CERT1: variants seen among roughly 807,000 people sequenced by gnomAD.
CERT1 encodes ceramide transfer protein.
A neutral mutation model predicts 87.9 loss-of-function variants in CERT1; 31 were observed. The ratio of observed to expected loss-of-function variants is 0.35; its 90% CI spans 0.27 to 0.48. CERT1 has a LOEUF of 0.48. CERT1 is among the 20% of genes least tolerant of loss of function. The pLI is 0.99. For missense variants in CERT1, 487 were observed against 758.0 expected (o/e 0.64, Z 4.20); for synonymous variants, 289 against 250.9 (o/e 1.15, Z -1.44).
At chr5:75,370,937 G>A (rs917493059) in intron 17 of CERT1, 5 of 121,268 alleles carry the variant, frequency 4.1e-5, no homozygotes, top group African/African-American at 1.8e-4. Context: ...GGGTGACAAA[G>A]CAAGACTCTG....
rs1330920886 is a variant in CERT1, at chr5:75,399,227, C to G, written c.1188+83G>C. On this transcript the variant is annotated intron_variant, in intron 11 of 16. Coordinates refer to ENST00000643780, the MANE Select transcript of CERT1 (RefSeq NM_001379029.1). ...TTCAAAACTAAAATCAGTGGCCTAA[C>G]CAAAAGATTTCTAGGAACTGGGAAA... is the stretch of plus-strand genomic sequence containing the variant. 2.8e-6 allele frequency: 3 copies of G among 1,066,446 alleles called. No individual in the cohort carries two copies. In the South Asian group the frequency reaches 3.9e-5, roughly 14 times the overall value. The allele number at this position is 1,066,446 out of a possible 1,614,324, so 66.1% of individuals were successfully genotyped here. A position where few individuals can be genotyped will look rare whatever the true frequency, so the allele number is the denominator to read the frequency against.
intron 1 of CERT1, among the ~76,000 whole-genome samples, chr5:75,507,456 C>T (rs1382334751): frequency 6.6e-6 from 1 of 152,168 alleles, no homozygotes; most frequent in African/African-American, 2.4e-5. Flanking sequence ...TCTCTGAGAA[C>T]TCACCCAAGC....
downstream of CERT1, chr5:75,374,728 C>T (rs1262690993): frequency 1.7e-6 from 1 of 586,362 alleles, no homozygotes; most frequent in East Asian, 4.2e-5. Context: ...GAATCGATCT[C>T]ATGAAGGAGA....
intron 2 of CERT1, among the ~76,000 whole-genome samples, chr5:75,489,425 C>A (rs1162241111): frequency 6.6e-6 from 1 of 152,146 alleles, no homozygotes; most frequent in Non-Finnish European, 1.5e-5. Flanking sequence ...AGAGCTTCTG[C>A]ACAGCAAAAG....
At chr5:75,509,172 G>A (rs1237599125) in intron 1 of CERT1, among the ~76,000 whole-genome samples, 3 of 152,030 alleles carry the variant, frequency 2.0e-5, no homozygotes, top group South Asian at 4.1e-4. Context: ...CATTTTGGGG[G>A]AGAAACAAAA....
intron 2 of CERT1, among the ~76,000 whole-genome samples, chr5:75,483,526 G>T (rs913992946): frequency 1.6e-4 from 25 of 152,088 alleles, no homozygotes; most frequent in African/African-American, 5.8e-4. Context: ...ATATAAGAAG[G>T]TTATAGAACA....
intron 2 of CERT1, among the ~76,000 whole-genome samples, chr5:75,463,374 G>GA (rs1207206901): frequency 6.6e-6 from 1 of 151,922 alleles, no homozygotes; most frequent in Admixed American, 6.6e-5. Context: ...CAACCCTCCC[G>GA]AAGAACCAAG....
At chr5:75,438,349 C>A (rs751874626) in intron 3 of CERT1, among the ~76,000 whole-genome samples, 35 of 152,068 alleles carry the variant, frequency 2.3e-4, no homozygotes, top group Admixed American at 4.6e-4. Context: ...CTTTGAAAAC[C>A]CACAGTTTTT....
At chr5:75,457,911 TGTGTGTGTGTGTGTG>T (rs969723564) in intron 3 of CERT1, among the ~76,000 whole-genome samples, 3 of 128,042 alleles carry the variant, frequency 2.3e-5, no homozygotes, top group Admixed American at 1.6e-4. Context: ...TAGGCGCGCG[TGTGTGTGTGTGTGTG>T]GTGTGTGTGT....
intron 3 of CERT1, among the ~76,000 whole-genome samples, chr5:75,446,164 A>T (rs1318753579): frequency 6.6e-6 from 1 of 152,150 alleles, no homozygotes; most frequent in Non-Finnish European, 1.5e-5. Context: ...GATGTGTCCC[A>T]TAGTTCTCTT....
intron 7 of CERT1, among the ~76,000 whole-genome samples, chr5:75,413,035 A>C (rs898837547): frequency 6.6e-6 from 1 of 152,200 alleles, no homozygotes; most frequent in African/African-American, 2.4e-5. Flanking sequence ...CAGCACAAAA[A>C]TATTTTCTTT....
chr5:75,475,953 G>C (rs1307567885), intron 2 of CERT1, among the ~76,000 whole-genome samples: 1 of 152,086 alleles, frequency 6.6e-6, no homozygotes, highest in Admixed American at 6.6e-5. Flanking sequence ...TGCAAATAGT[G>C]AAAACATTTT....
At chr5:75,499,629 TACAC>T (rs1767249377) in intron 2 of CERT1, among the ~76,000 whole-genome samples, 1 of 152,310 alleles carries the variant, frequency 6.6e-6, no homozygotes, top group South Asian at 2.1e-4. Flanking sequence ...AATGGACTAA[TACAC>T]ACAGTTAAGG....
At chr5:75,480,938 C>T (rs1189298947) in intron 2 of CERT1, among the ~76,000 whole-genome samples, 1 of 152,176 alleles carries the variant, frequency 6.6e-6, no homozygotes, top group African/African-American at 2.4e-5. Flanking sequence ...CCTTTAAAGG[C>T]TGCCTGATTC....
intron 2 of CERT1, among the ~76,000 whole-genome samples, chr5:75,480,376 C>T (rs532905541): frequency 4.7e-4 from 72 of 152,304 alleles, no homozygotes; most frequent in African/African-American, 1.6e-3. Context: ...TGCTTAATCT[C>T]TCCTTATATC....
At chr5:75,437,036 T>C (rs1336710746) in intron 3 of CERT1, among the ~76,000 whole-genome samples, 3 of 152,202 alleles carry the variant, frequency 2.0e-5, no homozygotes, top group Non-Finnish European at 1.5e-5. Flanking sequence ...TTCTCCTACC[T>C]TGGCCTCTCA....
intron 5 of CERT1, 65 bp downstream of exon 5, chr5:75,425,296 T>G: frequency 4.0e-6 from 6 of 1,485,100 alleles, no homozygotes; most frequent in South Asian, 1.2e-5. Flanking sequence ...CATTACCCTT[T>G]GAGATCAAGA....
chr5:75,385,629 G>T (rs933101475), intron 13 of CERT1, among the ~76,000 whole-genome samples: 2 of 152,088 alleles, frequency 1.3e-5, no homozygotes, highest in Non-Finnish European at 2.9e-5. Context: ...AAGTCACTTT[G>T]CCTATCTGAA....
chr5:75,449,707 GT>G lies in CERT1; in HGVS notation c.348+9357del, dbSNP rs1268855181. Reference sequence around the variant, plus strand: ...GTCCTCACCAACACTTGGTGGTGGTGTTTTTTTTTTTAAAGCCATTCTGATG... The same window carrying G: ...GTCCTCACCAACACTTGGTGGTGGTGTTTTTTTTTTAAAGCCATTCTGATG... On this transcript the variant is annotated intron_variant, in intron 3 of 16. Coordinates refer to ENST00000643780, the MANE Select transcript of CERT1 (RefSeq NM_001379029.1). 2.3e-3 allele frequency among the ~76,000 whole-genome samples: 334 copies of G among 143,248 alleles called. 1 individual carries two copies. The East Asian group carries it at 0.029, about 13-fold the overall frequency. The allele number at this position is 143,248 out of a possible 152,430, so 94.0% of individuals were successfully genotyped here.
Sources: gnomAD v4.1 joint callset for allele counts (sites outside exome capture counted in the v4.1 genomes callset) on GRCh38, gnomAD v4.1.1 for gene constraint, MANE v1.5 for transcripts, NCBI Gene and HGNC (gene_info 2026-07-23, HGNC 2026-07-21) for gene names.